COL21A1: variants seen among roughly 807,000 people sequenced by gnomAD.
COL21A1 encodes collagen alpha-1(XXI) chain.
Under a neutral mutation model 137.9 loss-of-function variants are expected in COL21A1, and 149 were observed. The observed-to-expected ratio is 1.08, with a 90% CI of 0.95 to 1.24. The LOEUF is 1.24. Ranked by LOEUF, COL21A1 falls within the 50% of genes most tolerant of loss-of-function variation. COL21A1 has a pLI of 0.00. For synonymous variants in COL21A1, 456 were observed against 391.5 expected (o/e 1.16, Z -1.95); for missense variants, 1,167 against 1,158.4 (o/e 1.01, Z -0.11).
At chr6:56,121,562 A>ATATGTG (rs1561886993) in intron 16 of COL21A1, among the ~76,000 whole-genome samples, 5 of 103,278 alleles carry the variant, frequency 4.8e-5, no homozygotes, top group African/African-American at 1.9e-4. Context: ...GTATATGTGT[A>ATATGTG]TATATATATA....
At chr6:56,242,991 T>C (rs1037368920) in intron 1 of COL21A1, among the ~76,000 whole-genome samples, 3 of 151,800 alleles carry the variant, frequency 2.0e-5, no homozygotes, top group African/African-American at 4.8e-5. Context: ...AGGATTAAAG[T>C]ACTAAAAAAA....
At chr6:56,188,685 G>C (rs997900624) in intron 1 of COL21A1, among the ~76,000 whole-genome samples, 1 of 152,100 alleles carries the variant, frequency 6.6e-6, no homozygotes, top group African/African-American at 2.4e-5. Context: ...CGTTTATCCT[G>C]GGTCCCCAGT....
At position 56,344,470 on chromosome 6, in the gene COL21A1, AAAC is replaced by A. The variant is rs577897912; in HGVS notation, c.-39+49498_-39+49500del. 3.6e-3 allele frequency among the ~76,000 whole-genome samples: 553 copies of A among 152,346 alleles called. 1 individual carries two copies. Among genetic ancestry groups the A allele is most frequent in the Non-Finnish European group, 6.5e-3 (444 of 68,036 alleles). Reference sequence around the variant, plus strand: ...TTAAAGTAGCATTTGTCTAACTACAAAACAACATTTTTCTGTACATTAATGATA... The same window carrying A: ...TTAAAGTAGCATTTGTCTAACTACAAAACATTTTTCTGTACATTAATGATA... On this transcript the variant is annotated intron_variant, in intron 1 of 28. Transcript: ENST00000370819.
intron 12 of COL21A1, among the ~76,000 whole-genome samples, chr6:56,130,641 C>A (rs1773486670): frequency 6.7e-6 from 1 of 149,888 alleles, no homozygotes; most frequent in South Asian, 2.1e-4. Flanking sequence ...CTAGGAACAT[C>A]CACTCATGTT....
intron 3 of COL21A1, among the ~76,000 whole-genome samples, chr6:56,176,599 A>AG (rs1476648166): frequency 3.8e-4 from 20 of 53,316 alleles, no homozygotes; most frequent in Admixed American, 8.4e-4. Context: ...CCATTACCAA[A>AG]AAAAAGAAAG....
At chr6:56,172,318 G>A (rs1361767092) in intron 3 of COL21A1, among the ~76,000 whole-genome samples, 1 of 152,144 alleles carries the variant, frequency 6.6e-6, no homozygotes, top group Non-Finnish European at 1.5e-5. Context: ...ACCTTGATAA[G>A]ACTATCAGCA....
chr6:56,100,992 T>C (rs1562197689), intron 17 of COL21A1, among the ~76,000 whole-genome samples: 1 of 152,162 alleles, frequency 6.6e-6, no homozygotes, highest in African/African-American at 2.4e-5. Flanking sequence ...GAATAAAATG[T>C]GGGGGCAAAC....
At chr6:56,340,649 T>C (rs1765443880) in intron 1 of COL21A1, among the ~76,000 whole-genome samples, 1 of 152,202 alleles carries the variant, frequency 6.6e-6, no homozygotes, top group Non-Finnish European at 1.5e-5. Context: ...CTGTGTTTAT[T>C]TTCAAGTAGC....
chr6:56,328,762 T>C (rs1765157315), intron 1 of COL21A1, among the ~76,000 whole-genome samples: 1 of 152,056 alleles, frequency 6.6e-6, no homozygotes, highest in Admixed American at 6.6e-5. Context: ...TATCTTAAAA[T>C]ATATAACAGA....
intron 1 of COL21A1, among the ~76,000 whole-genome samples, chr6:56,320,365 C>G (rs1764835071): frequency 6.6e-6 from 1 of 152,080 alleles, no homozygotes; most frequent in African/African-American, 2.4e-5. Context: ...TGCTTCTTTC[C>G]TTGTGCTTCT....
intron 1 of COL21A1, among the ~76,000 whole-genome samples, chr6:56,285,564 T>C (rs1030248527): frequency 3.3e-5 from 5 of 152,214 alleles, no homozygotes; most frequent in African/African-American, 1.2e-4. Context: ...TCATTTCTCT[T>C]CTCATTTCTT....
intron 10 of COL21A1, among the ~76,000 whole-genome samples, chr6:56,143,438 GA>G (rs556601612): frequency 4.1e-4 from 62 of 152,050 alleles, no homozygotes; most frequent in African/African-American, 1.4e-3. Context: ...CTGACCTCAT[GA>G]TCCACCCTCC....
At chr6:56,109,738 T>C (rs1007432969) in intron 16 of COL21A1, among the ~76,000 whole-genome samples, 1 of 151,970 alleles carries the variant, frequency 6.6e-6, no homozygotes, top group South Asian at 2.1e-4. Flanking sequence ...TAAGGCAATA[T>C]TGTAAACAAA....
chr6:56,123,617 G>A (rs1430744483), intron 16 of COL21A1, among the ~76,000 whole-genome samples: 1 of 152,112 alleles, frequency 6.6e-6, no homozygotes, highest in African/African-American at 2.4e-5. Flanking sequence ...CCAAGGGCAT[G>A]TGCCCTTGAG....
intron 1 of COL21A1, among the ~76,000 whole-genome samples, chr6:56,335,326 C>T (rs1765311926): frequency 6.6e-6 from 1 of 152,126 alleles, no homozygotes; most frequent in South Asian, 2.1e-4. Flanking sequence ...GAACCAACCC[C>T]CTTACCTATA....
chr6:56,385,723 C>T (rs2094016821), intron 1 of COL21A1, among the ~76,000 whole-genome samples: 1 of 151,998 alleles, frequency 6.6e-6, no homozygotes, highest in Non-Finnish European at 1.5e-5. Flanking sequence ...CACTCCCCCT[C>T]CCTTCCTCCC....
intron 1 of COL21A1, among the ~76,000 whole-genome samples, chr6:56,376,949 TAA>T (rs996784133): frequency 1.4e-4 from 21 of 146,398 alleles, no homozygotes; most frequent in African/African-American, 4.6e-4. Context: ...TTCATATCAC[TAA>T]AAGAGTCACA....
At chr6:56,130,699 G>A (rs745810654) in intron 12 of COL21A1, among the ~76,000 whole-genome samples, 7 of 152,092 alleles carry the variant, frequency 4.6e-5, no homozygotes, top group Non-Finnish European at 5.9e-5. Context: ...CTTATGTGCC[G>A]AAGGAAGATT....
intron 17 of COL21A1, among the ~76,000 whole-genome samples, chr6:56,091,867 T>C (rs916779101): frequency 2.6e-5 from 4 of 152,182 alleles, no homozygotes; most frequent in African/African-American, 7.2e-5. Context: ...GTATTTTCTG[T>C]TACGGTTTTT....
Sources: gnomAD v4.1 joint callset for allele counts (sites outside exome capture counted in the v4.1 genomes callset) on GRCh38, gnomAD v4.1.1 for gene constraint, MANE v1.5 for transcripts, NCBI Gene and HGNC (gene_info 2026-07-23, HGNC 2026-07-21) for gene names.